LOXL4: variants seen among roughly 807,000 people sequenced by gnomAD.
The protein encoded by LOXL4 is lysyl oxidase homolog 4.
Under a neutral mutation model 89.1 loss-of-function variants are expected in LOXL4, and 72 were observed. The observed-to-expected ratio is 0.81, with a 90% CI of 0.67 to 0.98. LOXL4 has a LOEUF of 0.98. LOXL4 is among the 50% of genes least tolerant of loss of function. LOXL4 has a pLI of 0.00. For synonymous variants in LOXL4, 355 were observed against 392.1 expected (o/e 0.91, Z 1.12); for missense variants, 984 against 1,017.5 (o/e 0.97, Z 0.45).
intron 12 of LOXL4, 27 bp downstream of exon 12, chr10:98,252,325 TG>T: frequency 6.7e-7 from 1 of 1,499,764 alleles, no homozygotes; most frequent in Non-Finnish European, 9.3e-7. Context: ...AAGGAGATGC[TG>T]ATAGGTGCTG....
intron 1 of LOXL4, among the ~76,000 whole-genome samples, chr10:98,263,285 A>G (rs1486715758): frequency 6.6e-6 from 1 of 152,132 alleles, no homozygotes; most frequent in African/African-American, 2.4e-5. Context: ...ACTTAACCTC[A>G]CTGAGTCTCA....
chr10:98,260,482 G>A (rs1858505654), intron 4 of LOXL4, among the ~76,000 whole-genome samples: 1 of 141,876 alleles, frequency 7.0e-6, no homozygotes, highest in Non-Finnish European at 1.5e-5. Flanking sequence ...GCGGGGGGTG[G>A]GGGGGCGTTC....
chr10:98,261,990 T>C lies in LOXL4; in HGVS notation c.456+45A>G, dbSNP rs752156271. On this transcript the variant is annotated intron_variant, in intron 3 of 14. Coordinates refer to ENST00000260702, the MANE Select transcript of LOXL4 (RefSeq NM_032211.7). ...GTCTTCTGGGAGGCTCTCTGTTCTC[T>C]GACCCAGCCCTTGGCTCAGACCAGA... The C allele has an allele frequency of 3.9e-6, 6 of 1,541,104 alleles. No individual in the cohort carries two copies. The Admixed American group carries it at 1.1e-4, about 27-fold the overall frequency.
intron 14 of LOXL4, 95 bp from the exon 15 acceptor site, chr10:98,249,086 T>C: frequency 1.1e-6 from 1 of 922,432 alleles, no homozygotes; most frequent in Non-Finnish European, 1.7e-6. Flanking sequence ...AGCTCATCCT[T>C]TATATCAAGT....
At chr10:98,252,600 C>T in intron 11 of LOXL4, 132 bp from the exon 12 acceptor site, 1 of 615,686 alleles carries the variant, frequency 1.6e-6, no homozygotes, top group South Asian at 1.9e-5. Flanking sequence ...TGCCCTTCTC[C>T]CTCCCAAACC....
intron 8 of LOXL4, 67 bp downstream of exon 8, chr10:98,257,580 TGTG>T (rs1219861387): frequency 6.5e-7 from 1 of 1,531,318 alleles, no homozygotes; most frequent in African/African-American, 1.4e-5. Context: ...GCTAGCTCGA[TGTG>T]GTGTCCTGGG....
Position 98,247,938 on chromosome 10 carries a change from C to G in LOXL4, c.*983G>C, listed in dbSNP as rs528600350. 30 of 152,346 alleles carry G rather than the reference C, an allele frequency of 2.0e-4. No homozygotes were observed. The highest frequency in any genetic ancestry group is 7.0e-4 in the African/African-American group (29 of 41,574). 9.4% of individuals were successfully genotyped at this position (152,346 alleles called of 1,614,324 possible). ...TTTCTCCACGGTCTTCTGTCTCTTG[C>G]TCTGCCAAACTTGTTTTCTTATCTC... On this transcript the variant is annotated 3_prime_UTR_variant, in exon 15 of 15. Coordinates refer to ENST00000260702, the MANE Select transcript of LOXL4 (RefSeq NM_032211.7).
chr10:98,266,555 G>A (rs1226357385), intron 1 of LOXL4, among the ~76,000 whole-genome samples: 2 of 152,158 alleles, frequency 1.3e-5, no homozygotes, highest in Non-Finnish European at 2.9e-5. Context: ...GGACCCTGGG[G>A]TCTGGGCCAG....
At chr10:98,254,057 A>G (rs1858287533) in intron 10 of LOXL4, among the ~76,000 whole-genome samples, 1 of 152,060 alleles carries the variant, frequency 6.6e-6, no homozygotes, top group African/African-American at 2.4e-5. Context: ...TTCTTGGCTT[A>G]CTTTCTGACT....
At chr10:98,254,389 T>C (rs1053563528) in intron 10 of LOXL4, among the ~76,000 whole-genome samples, 2 of 152,168 alleles carry the variant, frequency 1.3e-5, no homozygotes, top group Admixed American at 6.5e-5. Context: ...GACCACAGCA[T>C]GCATGCCACC....
rs1305584837 is a variant in LOXL4, at chr10:98,257,001, A to G, written c.1261-54T>C. The G allele has an allele frequency of 1.9e-6, 3 of 1,570,634 alleles. No homozygotes were observed. In the Admixed American group the frequency reaches 5.4e-5, roughly 29 times the overall value. ...GGGGTAGCCTTGCAGGGAAGAGCTC[A>G]GGGCTGCGAGCCTGGAGGTCTGCCC... On this transcript the variant is annotated intron_variant, in intron 8 of 14. Transcript: ENST00000260702.
intron 10 of LOXL4, 108 bp downstream of exon 10, chr10:98,255,469 C>T: frequency 7.9e-7 from 1 of 1,268,038 alleles, no homozygotes; most frequent in Non-Finnish European, 1.1e-6. Context: ...CTGGTACTTT[C>T]ATTCCCCCAT....
At chr10:98,252,510 A>G (rs1284520242) in intron 11 of LOXL4, 42 bp from the exon 12 acceptor site, 3 of 1,420,442 alleles carry the variant, frequency 2.1e-6, no homozygotes, top group Non-Finnish European at 2.0e-6. Flanking sequence ...GCAACAGGAG[A>G]GGGTCCTCTC....
intron 10 of LOXL4, among the ~76,000 whole-genome samples, chr10:98,254,691 G>A (rs1202589071): frequency 2.0e-5 from 3 of 152,220 alleles, no homozygotes; most frequent in Non-Finnish European, 2.9e-5. Flanking sequence ...CGCTCCCACT[G>A]TAGGCAGTGG....
At position 98,248,896 on chromosome 10, in the gene LOXL4, C is replaced by G; in HGVS notation, c.*25G>C. On this transcript the variant is annotated 3_prime_UTR_variant, in exon 15 of 15. Coordinates refer to ENST00000260702, the MANE Select transcript of LOXL4 (RefSeq NM_032211.7). The stretch of plus-strand genomic sequence containing the variant: ...GCTGAGGTATCTGGTGTATCGGCAG[C>G]AGCTAGGAGTGTGCAGTGACAGCTT... The G allele has an allele frequency of 6.2e-7, 1 of 1,600,288 alleles. No homozygotes were observed. The highest frequency in any genetic ancestry group is 8.6e-7 in the Non-Finnish European group (1 of 1,169,456).
intron 10 of LOXL4, among the ~76,000 whole-genome samples, 193 bp downstream of exon 10, chr10:98,255,384 A>G (rs554659183): frequency 6.6e-6 from 1 of 152,270 alleles, no homozygotes; most frequent in African/African-American, 2.4e-5. Context: ...CTTTCTCACA[A>G]TAACTCCGTG....
At chr10:98,251,012 G>T in intron 14 of LOXL4, 53 bp downstream of exon 14, 4 of 1,315,000 alleles carry the variant, frequency 3.0e-6, no homozygotes, top group East Asian at 2.3e-5. Flanking sequence ...CATTTACAGT[G>T]TTCCAGCTCC....
chr10:98,257,719 C>A lies in LOXL4; in HGVS notation c.1191G>T (p.Gln397His), dbSNP rs761693709. The A allele has an allele frequency of 3.7e-6, 6 of 1,614,024 alleles. No homozygotes were observed. In the Admixed American group the frequency reaches 8.3e-5, roughly 22 times the overall value. Residue 397 changes from glutamine (Q) to histidine (H), a missense_variant, in exon 8 of 15, where the codon CAG becomes CAT. Gln to His is a conservative substitution (Grantham distance 24, BLOSUM62 0). Transcript: ENST00000260702. Reference protein sequence around the residue: ...LSDCPALEGSQNGCQHENDAA... With the variant: ...LSDCPALEGSHNGCQHENDAA... Reference sequence around the variant, plus strand: ...CATCATTCTCATGTTGGCAACCATTCTGGGACCCTTCCAGGGCAGGGCAGT... The same window carrying A: ...CATCATTCTCATGTTGGCAACCATTATGGGACCCTTCCAGGGCAGGGCAGT...
chr10:98,267,669 C>T (rs1047619962), intron 1 of LOXL4, among the ~76,000 whole-genome samples: 8 of 152,128 alleles, frequency 5.3e-5, no homozygotes, highest in Non-Finnish European at 1.0e-4. Context: ...AAGTCTTCTG[C>T]CCCCTTCCCT....
Sources: allele counts gnomAD v4.1 joint callset (sites outside exome capture counted in the v4.1 genomes callset), GRCh38; gene constraint gnomAD v4.1.1; transcripts MANE v1.5; gene names NCBI Gene and HGNC (gene_info 2026-07-23, HGNC 2026-07-21).